Variants in OSBPL10 observed in about 807,000 individuals in gnomAD.
OSBPL10 encodes the protein oxysterol-binding protein-related protein 10.
In OSBPL10, 49 loss-of-function variants were observed where a neutral mutation model predicts 81.7. The observed-to-expected ratio is 0.60, with a 90% CI of 0.48 to 0.76. OSBPL10 has a LOEUF of 0.76. OSBPL10 is among the 30% of genes least tolerant of loss of function. OSBPL10 has a pLI of 0.00. For missense variants in OSBPL10, 923 were observed against 987.8 expected, an observed-to-expected ratio of 0.93 and a Z score of 0.88; for synonymous variants, 419 against 383.6, an observed-to-expected ratio of 1.09 and a Z score of -1.08.
intron 5 of OSBPL10, among the ~76,000 whole-genome samples, chr3:31,744,063 C>G (rs963003620): frequency 6.6e-6 from 1 of 152,126 alleles, no homozygotes; most frequent in African/African-American, 2.4e-5. Context: ...CTCTGCTTTC[C>G]CCCAGTGGGT....
chr3:31,875,062 G>T (rs973948640), intron 3 of OSBPL10, among the ~76,000 whole-genome samples: 7 of 70,966 alleles, frequency 9.9e-5, no homozygotes, highest in Admixed American at 1.4e-4. Context: ...AATACAAAAA[G>T]ATCTCCAAAA....
chr3:32,026,409 G>T (rs1699414755), intron 2 of OSBPL10, among the ~76,000 whole-genome samples: 1 of 152,072 alleles, frequency 6.6e-6, no homozygotes, highest in South Asian at 2.1e-4. Context: ...TGGAATTATA[G>T]GTTCATGTGA....
intron 1 of OSBPL10, among the ~76,000 whole-genome samples, chr3:31,977,994 G>C (rs1193093002): frequency 6.6e-6 from 1 of 152,032 alleles, no homozygotes; most frequent in Admixed American, 6.6e-5. Context: ...TTTGTGTTCT[G>C]GCCCAAACTG....
At chr3:31,743,031 GTTTTTTTT>G (rs10715360) in intron 5 of OSBPL10, among the ~76,000 whole-genome samples, 16 of 57,508 alleles carry the variant, frequency 2.8e-4, no homozygotes, top group African/African-American at 8.9e-4. Context: ...AGCTAAATTA[GTTTTTTTT>G]TTTTTTTTTT....
At chr3:31,711,943 G>A (rs558517201) in intron 6 of OSBPL10, among the ~76,000 whole-genome samples, 1 of 152,284 alleles carries the variant, frequency 6.6e-6, no homozygotes, top group African/African-American at 2.4e-5. Context: ...AGGCCAGGAG[G>A]AAGGGCGTGC....
chr3:31,976,954 T>A (rs1698709380), intron 1 of OSBPL10, among the ~76,000 whole-genome samples: 1 of 152,242 alleles, frequency 6.6e-6, no homozygotes, highest in South Asian at 2.1e-4. Flanking sequence ...AATTAGAAAT[T>A]ATTTCCTCAA....
intron 4 of OSBPL10, among the ~76,000 whole-genome samples, chr3:31,808,183 C>T (rs766853248): frequency 6.6e-6 from 1 of 152,176 alleles, no homozygotes; most frequent in Non-Finnish European, 1.5e-5. Flanking sequence ...AGACTAAGAT[C>T]ATCCCCATTT....
chr3:31,917,470 T>C (rs184161400), intron 1 of OSBPL10, among the ~76,000 whole-genome samples: 1 of 151,902 alleles, frequency 6.6e-6, no homozygotes, highest in African/African-American at 2.4e-5. Context: ...AAGTGCAACC[T>C]ATGCAAATAG....
intron 1 of OSBPL10, among the ~76,000 whole-genome samples, chr3:32,055,694 A>C (rs1476458297): frequency 6.6e-6 from 1 of 152,204 alleles, no homozygotes; most frequent in East Asian, 1.9e-4. Context: ...TTTGACTGGA[A>C]TCGCCTGCTT....
intron 4 of OSBPL10, among the ~76,000 whole-genome samples, chr3:31,808,921 C>T (rs568754852): frequency 1.3e-5 from 2 of 152,290 alleles, no homozygotes; most frequent in African/African-American, 4.8e-5. Context: ...TCAAAGGAAT[C>T]AATTAATACC....
At chr3:31,699,322 C>G (rs1695823844) in intron 7 of OSBPL10, among the ~76,000 whole-genome samples, 1 of 152,198 alleles carries the variant, frequency 6.6e-6, no homozygotes, top group Admixed American at 6.5e-5. Context: ...AACGTCCACT[C>G]CAGGTTCAAT....
chr3:31,704,093 T>C (rs904384399), intron 6 of OSBPL10: 27 of 152,418 alleles, frequency 1.8e-4, no homozygotes, highest in African/African-American at 6.0e-4. Context: ...CTCCACCTCA[T>C]GACACCCCGT....
At chr3:31,929,999 CAACCAAAAA>C (rs1276253002) in intron 1 of OSBPL10, among the ~76,000 whole-genome samples, 24 of 28,002 alleles carry the variant, frequency 8.6e-4, no homozygotes, top group African/African-American at 2.9e-3. Context: ...ACCCTGTCAC[CAACCAAAAA>C]AAAAAAAAAA....
At chr3:31,710,796 A>G (rs1244239524) in intron 6 of OSBPL10, 3 of 152,278 alleles carry the variant, frequency 2.0e-5, no homozygotes, top group African/African-American at 7.2e-5. Context: ...AAACTCCTTC[A>G]AGACCCCATT....
intron 6 of OSBPL10, chr3:31,718,249 T>A (rs1043877598): frequency 2.6e-5 from 4 of 152,782 alleles, no homozygotes; most frequent in Non-Finnish European, 5.8e-5. Flanking sequence ...TGCCTCAGCC[T>A]CTCAAGTAGC....
intron 2 of OSBPL10, among the ~76,000 whole-genome samples, chr3:32,031,733 C>G (rs981606450): frequency 4.6e-5 from 7 of 152,078 alleles, no homozygotes; most frequent in Non-Finnish European, 7.4e-5. Flanking sequence ...GGATTACAGG[C>G]GTAAGCCACC....
chr3:31,942,789 C>A (rs1306887474), intron 1 of OSBPL10, among the ~76,000 whole-genome samples: 1 of 152,112 alleles, frequency 6.6e-6, no homozygotes, highest in Non-Finnish European at 1.5e-5. Flanking sequence ...ATAGCAAACA[C>A]ACAATTAGCT....
chr3:32,055,416 C>A lies in OSBPL10; in HGVS notation n.186-8813G>T, dbSNP rs530629113. Among the ~76,000 whole-genome samples the A allele has an allele frequency of 6.6e-5, 10 of 151,796 alleles. No homozygotes were observed. In the South Asian group the frequency reaches 2.1e-3, roughly 32 times the overall value. On this transcript the variant is annotated intron_variant and non_coding_transcript_variant, in intron 1 of 3. Transcript: ENST00000479173. ...ATGGGGTTTCACCATGTTGGCCAGG[C>A]TGGTCTCCTAACCTCGTGACCCACC...
chr3:31,819,833 A>G (rs1157056252), intron 4 of OSBPL10, among the ~76,000 whole-genome samples: 1 of 152,224 alleles, frequency 6.6e-6, no homozygotes, highest in Non-Finnish European at 1.5e-5. Flanking sequence ...GTCTTTAAGT[A>G]AGAGAGATTA....
Sources: gnomAD v4.1 joint callset for allele counts (sites outside exome capture counted in the v4.1 genomes callset) on GRCh38, gnomAD v4.1.1 for gene constraint, MANE v1.5 for transcripts, NCBI Gene and HGNC (gene_info 2026-07-23, HGNC 2026-07-21) for gene names.